The following ZNF721 variants were observed in gnomAD, a reference collection of about 807,000 sequenced individuals.
ZNF721 encodes zinc finger protein 721.
A neutral mutation model predicts 2.4 loss-of-function variants in ZNF721; 2 were observed. The ratio of observed to expected loss-of-function variants is 0.82; its 90% CI spans 0.34 to 2.58. The LOEUF is 2.58. ZNF721 is among the 30% of genes most tolerant of loss of function. The pLI is 0.11. For missense variants in ZNF721, 1,187 were observed against 1,085.5 expected (o/e 1.09, Z -1.31); for synonymous variants, 398 against 381.8 (o/e 1.04, Z -0.50).
chr4:492,022 C>G (rs1335542250), intron 1 of ZNF721, among the ~76,000 whole-genome samples: 26 of 151,032 alleles, frequency 1.7e-4, no homozygotes, highest in Non-Finnish European at 1.6e-4. Context: ...ATTAGTCGGG[C>G]GTGGCCGGCG....
chr4:463,369 C>A (rs1349096537), intron 2 of ZNF721, among the ~76,000 whole-genome samples: 5 of 151,996 alleles, frequency 3.3e-5, no homozygotes, highest in African/African-American at 1.2e-4. Context: ...GGATCTAGAC[C>A]CAGAAATACC....
chr4:472,120 T>C (rs1302278366), intron 2 of ZNF721, among the ~76,000 whole-genome samples: 4 of 152,250 alleles, frequency 2.6e-5, no homozygotes, highest in Non-Finnish European at 5.9e-5. Context: ...AGGAGTTCAA[T>C]GGCGCAATCT....
chr4:489,625 C>T (rs1715975598), intron 1 of ZNF721, among the ~76,000 whole-genome samples: 1 of 152,166 alleles, frequency 6.6e-6, no homozygotes, highest in African/African-American at 2.4e-5. Flanking sequence ...CCCTCACTTC[C>T]AGCAGAAAAG....
At chr4:450,957 ATATATATATATATATAT>A (rs1327711986) in intron 2 of ZNF721, among the ~76,000 whole-genome samples, 2 of 33,648 alleles carry the variant, frequency 5.9e-5, no homozygotes, top group East Asian at 9.4e-4. Context: ...AAAAAAAAAA[ATATATATATATATATAT>A]ATATATATAT....
intron 1 of ZNF721, among the ~76,000 whole-genome samples, chr4:497,911 C>CA (rs200899977): frequency 0.21 from 26,447 of 128,704 alleles, 2,878 homozygotes; most frequent in Middle Eastern, 0.35. Flanking sequence ...AACAAACCAA[C>CA]AAAAAAAAAA....
intron 2 of ZNF721, among the ~76,000 whole-genome samples, chr4:446,899 C>A (rs1162177538): frequency 6.6e-6 from 1 of 151,682 alleles, no homozygotes; most frequent in Non-Finnish European, 1.5e-5. Flanking sequence ...ACATGTTGAC[C>A]AGGATGGTCT....
chr4:451,397 G>A (rs1576955594), intron 2 of ZNF721, among the ~76,000 whole-genome samples: 2 of 152,128 alleles, frequency 1.3e-5, no homozygotes, highest in East Asian at 1.9e-4. Flanking sequence ...CCCAGTTCAC[G>A]AAATGCCCTA....
intron 1 of ZNF721, chr4:473,917 G>T: frequency 6.7e-7 from 1 of 1,485,520 alleles, no homozygotes; most frequent in Non-Finnish European, 9.1e-7. Context: ...TCCCGCCGCC[G>T]CCATTTGCCG....
At chr4:473,847 G>A (rs1715542258) in intron 1 of ZNF721, 15 of 1,130,746 alleles carry the variant, frequency 1.3e-5, no homozygotes, top group East Asian at 4.2e-5. Context: ...GTCCCTCACC[G>A]GAGGGGACTG....
chr4:444,074 A>G lies in ZNF721; in HGVS notation c.393T>C (p.His131=), dbSNP rs781990388. 2 of 1,614,108 alleles carry G rather than the reference A, an allele frequency of 1.2e-6. No individual in the cohort carries two copies. The highest frequency in any genetic ancestry group is 3.3e-4 in the Middle Eastern group (2 of 6,062). ...FSDLTQHKGI[H]AGEKPYTCEE... ...CACAAGTGTAGGGTTTCTCTCCAGC[A>G]TGAATTCCTTTATGTTGAGTTAGGT... The change falls in exon 3 of 3, where the codon CAT becomes CAC. Residue 131 remains histidine (H), a synonymous_variant. Coordinates refer to ENST00000511833, the MANE Select transcript of ZNF721 (RefSeq NM_133474.4).
At chr4:488,261 CA>C (rs1375174591) in intron 1 of ZNF721, among the ~76,000 whole-genome samples, 3 of 152,170 alleles carry the variant, frequency 2.0e-5, no homozygotes, top group Non-Finnish European at 4.4e-5. Context: ...AGGACCTGGA[CA>C]ACTCACACTC....
intron 1 of ZNF721, among the ~76,000 whole-genome samples, chr4:474,354 T>G (rs1375348827): frequency 2.0e-5 from 3 of 152,138 alleles, no homozygotes; most frequent in Non-Finnish European, 4.4e-5. Context: ...GCGCTTAATC[T>G]CTGTGCTAGG....
intron 2 of ZNF721, among the ~76,000 whole-genome samples, chr4:462,671 A>G (rs545716454): frequency 1.3e-5 from 2 of 152,368 alleles, no homozygotes; most frequent in East Asian, 3.9e-4. Flanking sequence ...CCTATTTAAT[A>G]AATGGTGTTG....
At chr4:455,443 T>C (rs1714816343) in intron 2 of ZNF721, among the ~76,000 whole-genome samples, 1 of 152,114 alleles carries the variant, frequency 6.6e-6, no homozygotes, top group Non-Finnish European at 1.5e-5. Context: ...AGTGCACACC[T>C]GTGGTCCCAG....
At chr4:450,989 A>T (rs1714643439) in intron 2 of ZNF721, among the ~76,000 whole-genome samples, 1 of 114,646 alleles carries the variant, frequency 8.7e-6, no homozygotes, top group Non-Finnish European at 1.8e-5. Flanking sequence ...ATATATATAT[A>T]TATATATCCC....
At chr4:497,432 G>C (rs998514558) in intron 1 of ZNF721, among the ~76,000 whole-genome samples, 2 of 151,972 alleles carry the variant, frequency 1.3e-5, no homozygotes, top group African/African-American at 4.8e-5. Context: ...AATGTCAATC[G>C]AGAAAAATGA....
intron 1 of ZNF721, among the ~76,000 whole-genome samples, chr4:483,053 C>T (rs1300875424): frequency 3.3e-5 from 5 of 151,970 alleles, no homozygotes; most frequent in South Asian, 2.1e-4. Flanking sequence ...CTGTATGTTT[C>T]GATGCATATA....
chr4:448,604 A>G (rs1714554547), intron 2 of ZNF721, among the ~76,000 whole-genome samples: 1 of 152,188 alleles, frequency 6.6e-6, no homozygotes, highest in South Asian at 2.1e-4. Flanking sequence ...CAAACCCCAT[A>G]TTATATCAAA....
In ZNF721 at chr4:441,806, A is replaced by G; in HGVS notation, c.2661T>C (p.His887=). ...CACACGTGTAGGGTTTCTCTCCAGT[A>G]TGAATTTTCTTATGCGCATAAAGAT... The part of the protein sequence containing the change: ...SANLYAHKKI[H]TGEKPYTCGD... Residue 887 remains histidine, a synonymous_variant, in exon 3 of 3, where the codon CAT becomes CAC. Transcript: ENST00000511833. 1 of 1,613,972 alleles carries G rather than the reference A, an allele frequency of 6.2e-7. No homozygotes were observed. The highest frequency in any genetic ancestry group is 1.7e-4 in the Middle Eastern group (1 of 6,056).
Sources: gnomAD v4.1 joint callset for allele counts (sites outside exome capture counted in the v4.1 genomes callset) on GRCh38, gnomAD v4.1.1 for gene constraint, MANE v1.5 for transcripts, NCBI Gene and HGNC (gene_info 2026-07-23, HGNC 2026-07-21) for gene names.